Variants in CTNNA3 observed in about 807,000 individuals in gnomAD.
CTNNA3 encodes catenin alpha-3.
CTNNA3 carries 76 observed loss-of-function variants against 95.7 expected under a neutral mutation model. The ratio of observed to expected loss-of-function variants is 0.79; its 90% CI spans 0.66 to 0.96. CTNNA3 has a LOEUF of 0.96. Ranked by LOEUF, CTNNA3 falls within the 40% of genes least tolerant of loss-of-function variation. The probability of loss-of-function intolerance (pLI) is 0.00; values close to 1 mark genes in which losing one functional copy is unlikely to be tolerated. For missense variants in CTNNA3, 1,191 were observed against 1,089.8 expected (o/e 1.09, Z -1.31); for synonymous variants, 431 against 374.4 (o/e 1.15, Z -1.74).
At chr10:66,344,087 C>T (rs185562909) in intron 12 of CTNNA3, among the ~76,000 whole-genome samples, 12 of 151,122 alleles carry the variant, frequency 7.9e-5, no homozygotes, top group African/African-American at 2.4e-4. Context: ...ATTAACCAGA[C>T]GTGGTGGCGG....
intron 11 of CTNNA3, among the ~76,000 whole-genome samples, chr10:66,502,258 G>C (rs1840301759): frequency 6.6e-6 from 1 of 152,080 alleles, no homozygotes; most frequent in African/African-American, 2.4e-5. Flanking sequence ...GTGAGTTTCA[G>C]GTACTGATAT....
intron 5 of CTNNA3, among the ~76,000 whole-genome samples, chr10:67,353,693 G>A (rs1842715292): frequency 6.6e-6 from 1 of 151,872 alleles, no homozygotes; most frequent in Admixed American, 6.6e-5. Context: ...TGATGCTTGA[G>A]GTCAGGTACC....
Position 67,105,363 on chromosome 10 carries a change from T to C in CTNNA3, c.1047+74954A>G, listed in dbSNP as rs533404612. ...AACTGAATAGACAGAGAAAAAGATT[T>C]AAACTAAATGCTACATGTTCTTTCC... On this transcript the variant is annotated intron_variant, in intron 7 of 17. Coordinates refer to ENST00000433211, the MANE Select transcript of CTNNA3 (RefSeq NM_013266.4). Among the ~76,000 whole-genome samples the C allele has an allele frequency of 2.9e-4, 44 of 152,218 alleles. 1 individual carries two copies. In the South Asian group the frequency reaches 3.9e-3, roughly 14 times the overall value.
At chr10:65,952,912 C>A (rs1250311805) in intron 17 of CTNNA3, among the ~76,000 whole-genome samples, 1 of 152,078 alleles carries the variant, frequency 6.6e-6, no homozygotes, top group African/African-American at 2.4e-5. Flanking sequence ...GCTAAGAGAA[C>A]GTGATTAAAC....
At position 67,763,426 on chromosome 10, in the gene CTNNA3, T is replaced by C. The variant is rs146060801; in HGVS notation, c.-2+8A>G. On this transcript the variant is annotated splice_region_variant and intron_variant, in intron 1 of 17. Transcript: ENST00000684154. ...ATGGTATGGAAGGTCTCAAGAAAAG[T>C]TACACACCTTATCAAGTGGAGTCAC... Among the ~76,000 whole-genome samples, 43 of 152,290 alleles carry C rather than the reference T, an allele frequency of 2.8e-4. 1 individual carries two copies. The East Asian group carries it at 8.1e-3, about 29-fold the overall frequency.
chr10:66,190,514 G>T (rs2086611720), intron 13 of CTNNA3, among the ~76,000 whole-genome samples: 1 of 152,096 alleles, frequency 6.6e-6, no homozygotes, highest in South Asian at 2.1e-4. Context: ...CTATTTAGTA[G>T]ATTAATTATG....
At chr10:66,956,805 G>C (rs1417334835) in intron 7 of CTNNA3, among the ~76,000 whole-genome samples, 2 of 152,202 alleles carry the variant, frequency 1.3e-5, no homozygotes, top group African/African-American at 4.8e-5. Flanking sequence ...AACTGATGCA[G>C]TGACAGGCTC....
intron 13 of CTNNA3, among the ~76,000 whole-genome samples, chr10:66,178,326 CAT>C (rs1326578143): frequency 1.0e-4 from 15 of 146,570 alleles, no homozygotes; most frequent in African/African-American, 3.0e-4. Context: ...ATTACAGACA[CAT>C]ATATATGTGT....
chr10:67,374,267 C>A (rs1362305068), intron 5 of CTNNA3, among the ~76,000 whole-genome samples: 1 of 152,056 alleles, frequency 6.6e-6, no homozygotes, highest in African/African-American at 2.4e-5. Context: ...TGACTGTGTT[C>A]TAATAAAATA....
At chr10:66,974,333 A>G (rs1021931496) in intron 7 of CTNNA3, among the ~76,000 whole-genome samples, 2 of 152,208 alleles carry the variant, frequency 1.3e-5, no homozygotes, top group African/African-American at 4.8e-5. Context: ...TTAGCAGTTC[A>G]TTCATTTTAA....
intron 7 of CTNNA3, among the ~76,000 whole-genome samples, chr10:67,011,725 ATGT>A (rs1178330794): frequency 6.6e-6 from 1 of 152,190 alleles, no homozygotes; most frequent in Non-Finnish European, 1.5e-5. Context: ...AGCACTTTAT[ATGT>A]ATGAACTAAT....
chr10:66,328,919 T>TATATATAC (rs1554935040), intron 12 of CTNNA3, among the ~76,000 whole-genome samples: 4 of 122,584 alleles, frequency 3.3e-5, no homozygotes, highest in African/African-American at 8.6e-5. Context: ...TACATATATA[T>TATATATAC]ATATATATAT....
chr10:67,699,581 T>C (rs1234957575), upstream of CTNNA3, among the ~76,000 whole-genome samples: 1 of 152,198 alleles, frequency 6.6e-6, no homozygotes, highest in Non-Finnish European at 1.5e-5. Context: ...ATTTCCAGTA[T>C]TTGAGGATAG....
chr10:66,795,242 T>C (rs1564688478), intron 7 of CTNNA3, among the ~76,000 whole-genome samples: 1 of 152,180 alleles, frequency 6.6e-6, no homozygotes, highest in Admixed American at 6.6e-5. Context: ...TTATGAAATA[T>C]ATTTATTAAA....
chr10:66,678,849 G>T (rs901807317), intron 9 of CTNNA3, among the ~76,000 whole-genome samples: 2 of 152,012 alleles, frequency 1.3e-5, no homozygotes. Context: ...GTGTGTGCAC[G>T]CAAGTGTGTC....
intron 17 of CTNNA3, among the ~76,000 whole-genome samples, chr10:65,958,745 C>T (rs533958049): frequency 2.1e-4 from 32 of 152,154 alleles, no homozygotes; most frequent in Non-Finnish European, 3.7e-4. Flanking sequence ...CCTGATCCCT[C>T]CTCTGGAAGC....
At chr10:67,211,996 T>C (rs912522244) in intron 6 of CTNNA3, among the ~76,000 whole-genome samples, 3 of 152,112 alleles carry the variant, frequency 2.0e-5, no homozygotes, top group Admixed American at 6.6e-5. Flanking sequence ...CTTAAATTTG[T>C]ATTAAGCCAG....
chr10:66,529,412 G>A (rs145819609), intron 10 of CTNNA3, among the ~76,000 whole-genome samples: 3,731 of 150,028 alleles, frequency 0.025, 95 homozygotes, highest in East Asian at 0.065. Flanking sequence ...GATTACAGGC[G>A]TGAGCCACCG....
At chr10:67,504,353 T>C (rs1839357391) in intron 5 of CTNNA3, among the ~76,000 whole-genome samples, 1 of 130,128 alleles carries the variant, frequency 7.7e-6, no homozygotes, top group Non-Finnish European at 1.5e-5. Context: ...CTCCGGAGGC[T>C]AAGGCAGGAG....
Sources: gnomAD v4.1 joint callset for allele counts (sites outside exome capture counted in the v4.1 genomes callset) on GRCh38, gnomAD v4.1.1 for gene constraint, MANE v1.5 for transcripts, NCBI Gene and HGNC (gene_info 2026-07-23, HGNC 2026-07-21) for gene names.